Variants in CUX2 observed in about 807,000 individuals in gnomAD.
CUX2 encodes homeobox protein cut-like 2.
A neutral mutation model predicts 144.8 loss-of-function variants in CUX2; 40 were observed. The ratio of observed to expected loss-of-function variants is 0.28; its 90% CI spans 0.21 to 0.36. The LOEUF (loss-of-function observed/expected upper bound fraction) is 0.36, where lower values mean the gene tolerates loss of function less well. CUX2 is among the 10% of genes least tolerant of loss of function. The pLI is 1.00. For missense variants in CUX2, 1,615 were observed against 1,994.0 expected (o/e 0.81, Z 3.62); for synonymous variants, 827 against 875.6 (o/e 0.94, Z 0.98).
At chr12:111,213,062 A>G (rs1190883098) in intron 1 of CUX2, among the ~76,000 whole-genome samples, 1 of 152,264 alleles carries the variant, frequency 6.6e-6, no homozygotes, top group African/African-American at 2.4e-5. Flanking sequence ...AGTTCACCCT[A>G]GAAATACACT....
intron 4 of CUX2, among the ~76,000 whole-genome samples, chr12:111,275,871 C>T (rs535623035): frequency 6.6e-6 from 1 of 152,272 alleles, no homozygotes; most frequent in Admixed American, 6.5e-5. Context: ...GGCCCAGGCT[C>T]AAGGTCTTGG....
chr12:111,320,067 C>T lies in CUX2; in HGVS notation c.2058C>T (p.Ala686=). ...PLSIANGTTP[A]STSEDAIKSI... is the part of the protein sequence containing the mutation. ...GCATCGCCAACGGCACGACCCCCGC[C>T]AGCACCTCGGAGGACGCCATCAAGA... is the stretch of plus-strand genomic sequence containing the variant. The change falls in exon 17 of 22, where the codon GCC becomes GCT. Residue 686 remains alanine, a synonymous_variant. Transcript: ENST00000261726. The surrounding 1 kb of genome is among the most constrained non-coding windows in gnomAD (Gnocchi z 8.1). 1 of 1,552,866 alleles carries T rather than the reference C, an allele frequency of 6.4e-7. No individual in the cohort carries two copies.
chr12:111,245,099 T>C (rs1883215610), intron 3 of CUX2, among the ~76,000 whole-genome samples: 2 of 152,124 alleles, frequency 1.3e-5, no homozygotes, highest in African/African-American at 2.4e-5. Context: ...CCACAGAGCA[T>C]AGGGGATACA....
rs544732856 is a variant in CUX2, at chr12:111,268,986, A to G, written c.301+5147A>G. Among the ~76,000 whole-genome samples the G allele has an allele frequency of 2.0e-3, 304 of 152,292 alleles. 3 individuals are homozygous for G. The highest frequency in any genetic ancestry group is 7.0e-3 in the African/African-American group (290 of 41,570). On this transcript the variant is annotated intron_variant, in intron 4 of 21. Coordinates refer to ENST00000261726, the MANE Select transcript of CUX2 (RefSeq NM_015267.4). ...AGATATGCGTGTGCTTTCAGGCTCA[A>G]AGACCCAGATTCAAATCCTGTTTGT...
rs538786934 is a variant in CUX2 at position 111,061,441 on chromosome 12, C to A, written c.63+27201C>A. Reference sequence around the variant, plus strand: ...CCCACGACTGCAAGTGAAAGAAGGGCTTTTTAAAAGTAATTTTGCATTATG... The same window carrying A: ...CCCACGACTGCAAGTGAAAGAAGGGATTTTTAAAAGTAATTTTGCATTATG... On this transcript the variant is annotated intron_variant, in intron 1 of 21. Transcript: ENST00000261726. This position sits in a 1 kb window ranked among gnomAD's most constrained non-coding sequence, Gnocchi z 4.2. Among the ~76,000 whole-genome samples, 1 of 152,208 alleles carries A rather than the reference C, an allele frequency of 6.6e-6. No homozygotes were observed. Among genetic ancestry groups the A allele is most frequent in the South Asian group, 2.1e-4 (1 of 4,816 alleles).
intron 1 of CUX2, among the ~76,000 whole-genome samples, chr12:111,129,638 G>A (rs922045031): frequency 1.3e-5 from 2 of 152,202 alleles, no homozygotes; most frequent in African/African-American, 2.4e-5. Flanking sequence ...GTGGGGATGT[G>A]GTGGCAGTCA....
At chr12:111,185,468 C>T (rs1195359126) in intron 1 of CUX2, among the ~76,000 whole-genome samples, 2 of 152,186 alleles carry the variant, frequency 1.3e-5, no homozygotes, top group African/African-American at 4.8e-5. Context: ...CAGGTGTCGG[C>T]GTAATCGTGT....
In CUX2 at chr12:111,255,225, G is replaced by T. The variant is rs149116655; in HGVS notation, c.223-8536G>T. ...GGACCCCTGGGTGACCCTCCAGAGG[G>T]CCAGAGAGGGTCTCCAATTTCTGCC... On this transcript the variant is annotated intron_variant, in intron 3 of 21. Coordinates refer to ENST00000261726, the MANE Select transcript of CUX2 (RefSeq NM_015267.4). This position sits in a 1 kb window ranked among gnomAD's most constrained non-coding sequence, Gnocchi z 4.1. Among the ~76,000 whole-genome samples the T allele has an allele frequency of 1.3e-5, 2 of 152,214 alleles. No homozygotes were observed. The highest frequency in any genetic ancestry group is 2.9e-5 in the Non-Finnish European group (2 of 68,040).
chr12:111,216,154 C>T (rs764208745), intron 2 of CUX2, among the ~76,000 whole-genome samples: 3 of 152,198 alleles, frequency 2.0e-5, no homozygotes, highest in South Asian at 2.1e-4. Context: ...CACGAAGTCC[C>T]GCCAAACCCA....
At chr12:111,046,665 A>AT (rs925774541) in intron 1 of CUX2, among the ~76,000 whole-genome samples, 61 of 151,168 alleles carry the variant, frequency 4.0e-4, no homozygotes, top group Non-Finnish European at 6.2e-4. Flanking sequence ...ATTTTTATTT[A>AT]TTTTTTTTTG....
intron 14 of CUX2, among the ~76,000 whole-genome samples, chr12:111,309,131 C>T (rs1886746118): frequency 1.3e-5 from 2 of 152,194 alleles, no homozygotes. Context: ...TCTCAAACTC[C>T]TGACCTCAGG....
chr12:111,335,598 C>T (rs2136435991), intron 19 of CUX2, among the ~76,000 whole-genome samples: 1 of 151,658 alleles, frequency 6.6e-6, no homozygotes, highest in Middle Eastern at 3.4e-3. Flanking sequence ...GGAATCCCAG[C>T]AACTCAGGAG....
chr12:111,184,587 A>C (rs1317364902), intron 1 of CUX2, among the ~76,000 whole-genome samples: 4 of 151,180 alleles, frequency 2.6e-5, no homozygotes, highest in Non-Finnish European at 5.9e-5. Flanking sequence ...AAAAAAAAAA[A>C]AAAAAAAAAA....
intron 4 of CUX2, among the ~76,000 whole-genome samples, chr12:111,283,350 A>G (rs1019365893): frequency 6.6e-6 from 1 of 151,620 alleles, no homozygotes; most frequent in Non-Finnish European, 1.5e-5. Flanking sequence ...GGGCAGGACT[A>G]CCCCCGCCGT....
intron 1 of CUX2, among the ~76,000 whole-genome samples, chr12:111,045,052 C>T (rs1869930110): frequency 6.6e-6 from 1 of 152,202 alleles, no homozygotes; most frequent in African/African-American, 2.4e-5. Flanking sequence ...ATCCCTACAG[C>T]CTGTGAGATG....
At chr12:111,241,686 C>A (rs950493502) in intron 3 of CUX2, among the ~76,000 whole-genome samples, 11 of 152,272 alleles carry the variant, frequency 7.2e-5, no homozygotes, top group African/African-American at 2.7e-4. Context: ...TTGGCCCGAC[C>A]CCATGGCTCA....
intron 18 of CUX2, among the ~76,000 whole-genome samples, chr12:111,331,937 G>A (rs1267120173): frequency 1.3e-5 from 2 of 151,700 alleles, no homozygotes; most frequent in African/African-American, 2.4e-5. Flanking sequence ...AAAGTTAGCC[G>A]GGTGTGGTGG....
intron 1 of CUX2, among the ~76,000 whole-genome samples, chr12:111,123,039 A>C (rs1348832779): frequency 6.6e-6 from 1 of 152,222 alleles, no homozygotes; most frequent in Non-Finnish European, 1.5e-5. Flanking sequence ...CGATGCAGCC[A>C]CAAGGTCTGG....
chr12:111,096,092 G>A lies in CUX2; in HGVS notation c.63+61852G>A, dbSNP rs190972330. On this transcript the variant is annotated intron_variant, in intron 1 of 21. Transcript: ENST00000261726. ...GTGCCAGGGGCTCAACAAGTGGCTC[G>A]TGGATGAGTGATGGTTCCAGGATTA... 6.6e-5 allele frequency among the ~76,000 whole-genome samples: 10 copies of A among 152,318 alleles called. 1 individual carries two copies. Among genetic ancestry groups the A allele is most frequent in the East Asian group, 1.9e-4 (1 of 5,170 alleles).
Sources: gnomAD v4.1 joint callset for allele counts (sites outside exome capture counted in the v4.1 genomes callset) on GRCh38, gnomAD v4.1.1 for gene constraint, Gnocchi (gnomAD v3.1) non-coding constraint, MANE v1.5 for transcripts, NCBI Gene and HGNC (gene_info 2026-07-23, HGNC 2026-07-21) for gene names.